The following MICAL3 variants were observed in gnomAD, a reference collection of about 807,000 sequenced individuals.
MICAL3 encodes microtubule associated monooxygenase, calponin and LIM domain containing 3, also known as [F-actin]-monooxygenase MICAL3.
In MICAL3, 62 loss-of-function variants were observed where a neutral mutation model predicts 207.4. The observed-to-expected ratio is 0.30, with a 90% CI of 0.24 to 0.37. The LOEUF (loss-of-function observed/expected upper bound fraction) is 0.37. Ranked by LOEUF, MICAL3 falls within the 10% of genes least tolerant of loss-of-function variation. MICAL3 has a pLI of 1.00. For synonymous variants in MICAL3, 1,077 were observed against 1,069.3 expected, an observed-to-expected ratio of 1.01 and a Z score of -0.14; for missense variants, 2,368 against 2,635.6, an observed-to-expected ratio of 0.90 and a Z score of 2.22.
intron 16 of MICAL3, among the ~76,000 whole-genome samples, chr22:17,881,884 C>G (rs1929463297): frequency 6.6e-6 from 1 of 151,996 alleles, no homozygotes; most frequent in South Asian, 2.1e-4. Flanking sequence ...ATGTCCCTGG[C>G]TTTTCCCTCA....
chr22:17,916,889 G>T (rs565867876), intron 1 of MICAL3, among the ~76,000 whole-genome samples: 6 of 152,200 alleles, frequency 3.9e-5, no homozygotes, highest in African/African-American at 1.4e-4. Flanking sequence ...TTTAAAAAAA[G>T]AAGTTTCATA....
chr22:17,878,621 G>A (rs184332716), intron 16 of MICAL3, among the ~76,000 whole-genome samples: 2 of 152,294 alleles, frequency 1.3e-5, no homozygotes, highest in East Asian at 3.9e-4. Context: ...AACAACTAGA[G>A]ATGATTCTTC....
Position 17,837,650 on chromosome 22 carries a change from C to T in MICAL3, c.2801+4172G>A, listed in dbSNP as rs374952988. 7.9e-5 allele frequency among the ~76,000 whole-genome samples: 12 copies of T among 152,344 alleles called. No homozygotes were observed. In the East Asian group the frequency reaches 1.5e-3, roughly 20 times the overall value. ...GTCTCCTCCAGGAGACAGGCCCCAC[C>T]TTGCCTGCAAGGTAGAGGCATGAAG... On this transcript the variant is annotated intron_variant, in intron 20 of 31. Coordinates refer to ENST00000441493, the MANE Select transcript of MICAL3 (RefSeq NM_015241.3).
At chr22:17,820,569 T>C (rs1272257535) in intron 25 of MICAL3, among the ~76,000 whole-genome samples, 2 of 152,192 alleles carry the variant, frequency 1.3e-5, no homozygotes, top group Non-Finnish European at 2.9e-5. Flanking sequence ...TTAACCAGGA[T>C]GGTCTCGATC....
At chr22:17,899,293 G>T in intron 7 of MICAL3, 155 bp downstream of exon 7, 2 of 699,956 alleles carry the variant, frequency 2.9e-6, no homozygotes, top group Non-Finnish European at 5.3e-6. Flanking sequence ...GTTAAGAGTT[G>T]TTCACGCTAA....
At chr22:17,976,810 CT>C (rs1197811898) in intron 1 of MICAL3, among the ~76,000 whole-genome samples, 307 of 119,960 alleles carry the variant, frequency 2.6e-3, no homozygotes, top group Admixed American at 3.1e-3. Flanking sequence ...GAGACTTCTT[CT>C]TTTTTTTTTT....
Position 17,945,657 on chromosome 22 carries a change from C to G in MICAL3, c.-74-38771G>C, listed in dbSNP as rs114732871. On this transcript the variant is annotated intron_variant, in intron 1 of 31. Transcript: ENST00000441493. ...GAGGGGCTCAGTAAAGGCAGCGGGC[C>G]CCTCTCCACACAGCCCCCATACGCC... Among the ~76,000 whole-genome samples the G allele has an allele frequency of 1.1e-4, 16 of 152,208 alleles. No homozygotes were observed. The East Asian group carries it at 2.7e-3, about 26-fold the overall frequency.
intron 1 of MICAL3, among the ~76,000 whole-genome samples, chr22:17,926,445 G>C (rs1021307698): frequency 6.6e-6 from 1 of 152,208 alleles, no homozygotes; most frequent in Non-Finnish European, 1.5e-5. Flanking sequence ...AAGTAAAGAG[G>C]ATGCTCAGGG....
intron 1 of MICAL3, among the ~76,000 whole-genome samples, chr22:17,927,638 C>A (rs1932984129): frequency 6.6e-6 from 1 of 152,132 alleles, no homozygotes; most frequent in South Asian, 2.1e-4. Flanking sequence ...CATGTTCTTT[C>A]CAGCACAGTT....
rs553007849 is a variant in MICAL3 at position 17,885,776 on chromosome 22, C to T, written c.2241+102G>A. 2.0e-4 allele frequency: 244 copies of T among 1,247,972 alleles called. 1 individual carries two copies. Among genetic ancestry groups the T allele is most frequent in the Admixed American group, 5.1e-4 (28 of 55,144 alleles). 77.3% of individuals were successfully genotyped at this position (1,247,972 alleles called of 1,614,324 possible). ...GGAAAGCCAGATGCCAGCCCACGAA[C>T]GCTGGGGTCTGTGACACAGCCCATC... On this transcript the variant is annotated intron_variant, in intron 16 of 31. Coordinates refer to ENST00000441493, the MANE Select transcript of MICAL3 (RefSeq NM_015241.3).
intron 16 of MICAL3, among the ~76,000 whole-genome samples, chr22:17,882,056 C>T (rs570349271): frequency 3.3e-5 from 5 of 152,290 alleles, no homozygotes; most frequent in Admixed American, 3.3e-4. Flanking sequence ...TGCAGGGAGC[C>T]GGGGAGCAGG....
intron 29 of MICAL3, among the ~76,000 whole-genome samples, chr22:17,799,443 C>T (rs1424390895): frequency 1.3e-5 from 2 of 152,192 alleles, no homozygotes; most frequent in African/African-American, 2.4e-5. Context: ...CTCAGGTTTA[C>T]GGAGTGGGGC....
intron 1 of MICAL3, among the ~76,000 whole-genome samples, chr22:17,993,967 T>G (rs1188376415): frequency 6.6e-6 from 1 of 152,186 alleles, no homozygotes; most frequent in East Asian, 1.9e-4. Context: ...TTTAGCCCTC[T>G]GTGCCCCACT....
chr22:17,876,773 T>G (rs1430478221), intron 16 of MICAL3: 1 of 138,530 alleles, frequency 7.2e-6, no homozygotes, highest in East Asian at 2.1e-4. Context: ...TTAGGGAAGT[T>G]ATGGAGGTTA....
In MICAL3 at chr22:17,904,691, C is replaced by T. The variant is rs760507982; in HGVS notation, c.413G>A (p.Arg138Gln). ...ATAGAACTTCTTGGCACCCAGACCT[C>T]GTAGATCATGTATGGTGAATGGCCA... ...HLWPFTIHDL[R>Q]GLGAKKFYGK... Residue 138 changes from arginine to glutamine, a missense_variant, in exon 3 of 32, where the codon CGA (arginine) becomes CAA (glutamine). Arg to Gln is a conservative substitution (Grantham distance 43). Around this residue, in one of 4 missense-constraint regions of MICAL3, gnomAD observed 400 missense variants for 547.0 expected, o/e 0.73. Transcript: ENST00000441493. 2.5e-6 allele frequency: 4 copies of T among 1,614,082 alleles called. No homozygotes were observed. The highest frequency in any genetic ancestry group is 2.2e-5 in the South Asian group (2 of 91,080).
intron 1 of MICAL3, among the ~76,000 whole-genome samples, chr22:17,969,933 G>A (rs1046745875): frequency 3.9e-5 from 6 of 152,170 alleles, no homozygotes; most frequent in African/African-American, 1.2e-4. Context: ...ATGAGGTCAC[G>A]TCCACGAAAG....
At chr22:17,868,818 A>G (rs777768509) in intron 17 of MICAL3, among the ~76,000 whole-genome samples, 76 of 151,974 alleles carry the variant, frequency 5.0e-4, no homozygotes, top group Admixed American at 2.6e-3. Context: ...CAATCTGAAC[A>G]CCGAGAGCCC....
intron 19 of MICAL3, 119 bp from the exon 20 acceptor site, chr22:17,842,136 G>C (rs1924078555): frequency 6.1e-6 from 6 of 982,164 alleles, no homozygotes; most frequent in Non-Finnish European, 7.5e-6. Context: ...ACAAAGGTCA[G>C]AGCATTTGCA....
chr22:17,947,248 C>T (rs777762979), intron 1 of MICAL3, among the ~76,000 whole-genome samples: 7 of 152,364 alleles, frequency 4.6e-5, no homozygotes, highest in South Asian at 2.1e-4. Context: ...CCCGCCAAGA[C>T]AGCCTCTACA....
Sources: gnomAD v4.1 joint callset for allele counts (sites outside exome capture counted in the v4.1 genomes callset) on GRCh38, gnomAD v4.1.1 for gene constraint, gnomAD v4.1.1 regional missense constraint, MANE v1.5 for transcripts, NCBI Gene and HGNC (gene_info 2026-07-23, HGNC 2026-07-21) for gene names.